TMCC2: variants seen among roughly 807,000 people sequenced by gnomAD.
TMCC2 encodes the protein transmembrane and coiled-coil domains protein 2.
In TMCC2, 16 loss-of-function variants were observed where a neutral mutation model predicts 49.4. That is an observed-to-expected ratio of 0.32 (90% CI 0.22 to 0.49). The LOEUF is 0.49. TMCC2 is among the 20% of genes least tolerant of loss of function. The pLI is 0.99. For synonymous variants in TMCC2, 397 were observed against 434.1 expected (o/e 0.91, Z 1.06); for missense variants, 762 against 989.8 (o/e 0.77, Z 3.09).
intron 3 of TMCC2, among the ~76,000 whole-genome samples, 156 bp downstream of exon 3, chr1:205,270,040 T>C (rs571641493): frequency 2.0e-5 from 3 of 148,072 alleles, no homozygotes; most frequent in African/African-American, 7.2e-5. Context: ...GGAGCCTTCT[T>C]TCTTTTTTCC....
At chr1:205,229,342 C>G (rs1029778790) in intron 1 of TMCC2, among the ~76,000 whole-genome samples, 5 of 151,978 alleles carry the variant, frequency 3.3e-5, no homozygotes, top group Non-Finnish European at 5.9e-5. Flanking sequence ...GCACCCGCCA[C>G]CACGCCCGGG....
At chr1:205,258,215 T>A (rs1660956462) in intron 2 of TMCC2, among the ~76,000 whole-genome samples, 2 of 151,998 alleles carry the variant, frequency 1.3e-5, no homozygotes, top group Non-Finnish European at 2.9e-5. Flanking sequence ...AAAGGATGAG[T>A]GAGTGACTTT....
At chr1:205,232,192 G>C (rs11240394) in intron 1 of TMCC2, among the ~76,000 whole-genome samples, 1 of 152,068 alleles carries the variant, frequency 6.6e-6, no homozygotes, top group Admixed American at 6.5e-5. Context: ...CCAGTGAAAA[G>C]TAGTAGTTAA....
intron 1 of TMCC2, chr1:205,236,613 G>T (rs955673244): frequency 6.6e-6 from 1 of 152,214 alleles, no homozygotes; most frequent in Admixed American, 6.5e-5. Context: ...GTCATCAAGG[G>T]TTCCATCCGT....
At chr1:205,239,761 A>C (rs1049148004) in intron 1 of TMCC2, among the ~76,000 whole-genome samples, 12 of 152,184 alleles carry the variant, frequency 7.9e-5, no homozygotes, top group African/African-American at 2.9e-4. Flanking sequence ...GGGATACTCA[A>C]ATGAGGTGAA....
rs996864567 is a variant in TMCC2 at position 205,251,705 on chromosome 1, T to C, written c.747+9661T>C. On this transcript the variant is annotated intron_variant, in intron 2 of 4. Coordinates refer to ENST00000358024, the MANE Select transcript of TMCC2 (RefSeq NM_014858.4). ...TAATCTGGGCCCTGTGCCTGTCCACTGACTTCTCAGGGGCTCAATGGCTTA... is the reference window on the plus strand; with the variant it reads ...TAATCTGGGCCCTGTGCCTGTCCACCGACTTCTCAGGGGCTCAATGGCTTA... Among the ~76,000 whole-genome samples the C allele has an allele frequency of 3.9e-5, 6 of 152,252 alleles. No homozygotes were observed. The East Asian group carries it at 1.2e-3, about 29-fold the overall frequency.
chr1:205,260,940 G>C (rs890916293), intron 2 of TMCC2, among the ~76,000 whole-genome samples: 4 of 152,164 alleles, frequency 2.6e-5, no homozygotes, highest in Admixed American at 1.3e-4. Context: ...ATGGACATCT[G>C]AGTTATGTCC....
At chr1:205,267,771 T>C in intron 2 of TMCC2, 1 of 505,186 alleles carries the variant, frequency 2.0e-6, no homozygotes, top group Non-Finnish European at 2.6e-6. Context: ...GGTGCCACCC[T>C]GATGCACTCG....
rs1241930982 is a variant in TMCC2 at position 205,228,124 on chromosome 1, G to C, written c.-441G>C. 1 of 149,874 alleles carries C rather than the reference G, an allele frequency of 6.7e-6. No individual in the cohort carries two copies. Among genetic ancestry groups the C allele is most frequent in the African/African-American group, 2.4e-5 (1 of 41,156 alleles). The allele number at this position is 149,874 out of a possible 1,614,324, so 9.3% of individuals were successfully genotyped here. ...GCTGCAGCCGGCGCCGATGGCGGCC[G>C]ACTAGGACCTGCCCGGCCGGCTGCC... On this transcript the variant is annotated 5_prime_UTR_variant, in exon 1 of 5. Transcript: ENST00000358024.
At chr1:205,229,033 T>TAATG in intron 1 of TMCC2, 1 of 1,335,846 alleles carries the variant, frequency 7.5e-7, no homozygotes, top group African/African-American at 1.5e-5. Flanking sequence ...ATTGTTTGAA[T>TAATG]AATGTGTGAA....
intron 2 of TMCC2, among the ~76,000 whole-genome samples, chr1:205,252,474 G>A (rs1406209464): frequency 6.6e-6 from 1 of 152,210 alleles, no homozygotes; most frequent in Non-Finnish European, 1.5e-5. Flanking sequence ...GCATTTCCCT[G>A]GGGGTTAGCA....
At chr1:205,262,110 A>G (rs1661139932) in intron 2 of TMCC2, among the ~76,000 whole-genome samples, 1 of 152,138 alleles carries the variant, frequency 6.6e-6, no homozygotes, top group Non-Finnish European at 1.5e-5. Context: ...GAGTCCTGAA[A>G]GGTAGCTGTC....
intron 2 of TMCC2, among the ~76,000 whole-genome samples, chr1:205,265,743 T>C (rs979858946): frequency 2.2e-4 from 34 of 151,156 alleles, no homozygotes; most frequent in Non-Finnish European, 1.2e-4. Context: ...GTATTTTTAG[T>C]AGAGACAGGG....
intron 1 of TMCC2, among the ~76,000 whole-genome samples, chr1:205,231,007 C>CG (rs60103130): frequency 7.7e-6 from 1 of 129,538 alleles, no homozygotes; most frequent in African/African-American, 2.8e-5. Flanking sequence ...TCCCCCCCCC[C>CG]GCCCCCAGAG....
intron 2 of TMCC2, among the ~76,000 whole-genome samples, chr1:205,266,110 A>G (rs112827207): frequency 0.27 from 40,549 of 150,704 alleles, 6,424 homozygotes; most frequent in Non-Finnish European, 0.36. Context: ...GCATGGTGGC[A>G]GGCGCCTGTA....
intron 2 of TMCC2, among the ~76,000 whole-genome samples, chr1:205,248,582 A>G (rs963533129): frequency 1.3e-5 from 2 of 152,172 alleles, no homozygotes; most frequent in Non-Finnish European, 2.9e-5. Context: ...TTTTCCATCC[A>G]TGTGTTGCCT....
At chr1:205,259,723 A>G (rs1014166743) in intron 2 of TMCC2, among the ~76,000 whole-genome samples, 10 of 152,336 alleles carry the variant, frequency 6.6e-5, no homozygotes, top group African/African-American at 2.2e-4. Flanking sequence ...AGGAAGTTCC[A>G]CGGGAGCCAG....
In TMCC2 at chr1:205,248,720, C is replaced by CT. The variant is rs774032761; in HGVS notation, c.747+6688dup. 7.3e-3 allele frequency among the ~76,000 whole-genome samples: 1,060 copies of CT among 145,278 alleles called. 6 individuals are homozygous for CT. Among genetic ancestry groups the CT allele is most frequent in the Non-Finnish European group, 0.012 (815 of 65,800 alleles). Reference sequence around the variant, plus strand: ...AGGTCCCCACCCTCTTCTCCCTCTTCTTTTTTTTTTTTAACAGCAGTTCCT... The same window carrying CT: ...AGGTCCCCACCCTCTTCTCCCTCTTCTTTTTTTTTTTTTAACAGCAGTTCCT... On this transcript the variant is annotated intron_variant, in intron 2 of 4. Coordinates refer to ENST00000358024, the MANE Select transcript of TMCC2 (RefSeq NM_014858.4).
intron 1 of TMCC2, among the ~76,000 whole-genome samples, chr1:205,233,204 C>A (rs1296452907): frequency 6.6e-6 from 1 of 152,104 alleles, no homozygotes; most frequent in African/African-American, 2.4e-5. Context: ...ATGGGCTTTC[C>A]CCCTGGACTT....
Sources: gnomAD v4.1 joint callset for allele counts (sites outside exome capture counted in the v4.1 genomes callset) on GRCh38, gnomAD v4.1.1 for gene constraint, MANE v1.5 for transcripts, NCBI Gene and HGNC (gene_info 2026-07-23, HGNC 2026-07-21) for gene names.